Variants in FGF18 observed in about 807,000 individuals in gnomAD.
FGF18 encodes the protein fibroblast growth factor 18.
In FGF18, 5 loss-of-function variants were observed where a neutral mutation model predicts 23.0. That is an observed-to-expected ratio of 0.22 (90% CI 0.11 to 0.46). The LOEUF (loss-of-function observed/expected upper bound fraction) is 0.46. Among genes scored for constraint, FGF18 ranks in the 20% least tolerant of loss-of-function variants. FGF18 has a pLI of 0.99. For synonymous variants in FGF18, 117 were observed against 118.9 expected, an observed-to-expected ratio of 0.98 and a Z score of 0.10; for missense variants, 180 against 291.6, an observed-to-expected ratio of 0.62 and a Z score of 2.79.
intron 4 of FGF18, among the ~76,000 whole-genome samples, chr5:171,450,911 C>T (rs1772493135): frequency 6.6e-6 from 1 of 151,996 alleles, no homozygotes; most frequent in South Asian, 2.1e-4. Flanking sequence ...TTTTCTTTCT[C>T]CCCCAGCAGG....
chr5:171,428,615 G>GGACT (rs1772133013), intron 2 of FGF18, among the ~76,000 whole-genome samples: 1 of 152,240 alleles, frequency 6.6e-6, no homozygotes, highest in East Asian at 1.9e-4. Flanking sequence ...TCAGCCTGGT[G>GGACT]GACTCACAGA....
At chr5:171,420,528 T>C (rs1771988308) in intron 2 of FGF18, 85 bp downstream of exon 2, 2 of 1,318,222 alleles carry the variant, frequency 1.5e-6, no homozygotes. Flanking sequence ...GCCCCCTCCC[T>C]GTGCCCCACC....
At position 171,434,496 on chromosome 5, in the gene FGF18, TG is replaced by T. The variant is rs1772219631; in HGVS notation, c.70-1592del. Among the ~76,000 whole-genome samples, 1 of 152,058 alleles carries T rather than the reference TG, an allele frequency of 6.6e-6. No homozygotes were observed. The highest frequency in any genetic ancestry group is 6.6e-5 in the Admixed American group (1 of 15,266). On this transcript the variant is annotated intron_variant, in intron 2 of 4. Coordinates refer to ENST00000274625, the MANE Select transcript of FGF18 (RefSeq NM_003862.3). The surrounding 1 kb of genome is among the most constrained non-coding windows in gnomAD (Gnocchi z 4.6). Reference sequence around the variant, plus strand: ...CCCAAGAGCTCTGCCATGGGCTGAGTGGGGGCGTGCCAGCGTGGGAATGGGG... The same window carrying T: ...CCCAAGAGCTCTGCCATGGGCTGAGTGGGGCGTGCCAGCGTGGGAATGGGG...
At chr5:171,428,504 G>C (rs1438963080) in intron 2 of FGF18, among the ~76,000 whole-genome samples, 1 of 152,198 alleles carries the variant, frequency 6.6e-6, no homozygotes, top group African/African-American at 2.4e-5. Context: ...GAGCAAACCG[G>C]GTGAAGAGGA....
Position 171,419,977 on chromosome 5 carries a change from G to C in FGF18, c.-223G>C, listed in dbSNP as rs907965783. On this transcript the variant is annotated 5_prime_UTR_variant, in exon 1 of 5. Transcript: ENST00000274625. ...CGCCCCGCAGCCCCTGCGCCAGCCC[G>C]GAGGGCGCAGCGCTCGGGAGGAGCC... The C allele has an allele frequency of 5.5e-6, 1 of 181,190 alleles. No homozygotes were observed. Among genetic ancestry groups the C allele is most frequent in the Non-Finnish European group, 1.1e-5 (1 of 88,708 alleles). 11.2% of individuals were successfully genotyped at this position (181,190 alleles called of 1,614,324 possible). A position where few individuals can be genotyped will look rare whatever the true frequency, so the allele number is the denominator to read the frequency against.
chr5:171,445,694 C>T lies in FGF18; in HGVS notation c.251-3453C>T, dbSNP rs62383993. 6.2e-3 allele frequency among the ~76,000 whole-genome samples: 948 copies of T among 152,206 alleles called. 5 individuals carry two copies. The highest frequency in any genetic ancestry group is 9.0e-3 in the Non-Finnish European group (610 of 68,018). On this transcript the variant is annotated intron_variant, in intron 3 of 4. Transcript: ENST00000274625. ...TTATATTTTTAAAGGATTTCTCTGG[C>T]TGTGGTGTAGAGGAGAGATGGATGG...
intron 2 of FGF18, among the ~76,000 whole-genome samples, chr5:171,431,337 G>A (rs183585297): frequency 6.6e-6 from 1 of 152,314 alleles, no homozygotes; most frequent in Admixed American, 6.5e-5. Context: ...CTGGGTAATA[G>A]GGAGCCTGGG....
At chr5:171,449,731 G>C (rs972569049) in intron 4 of FGF18, among the ~76,000 whole-genome samples, 1 of 151,810 alleles carries the variant, frequency 6.6e-6, no homozygotes, top group East Asian at 1.9e-4. Flanking sequence ...TGGCCGCCTC[G>C]TCAGCGCTGG....
rs1452010995 is a variant in FGF18 at position 171,456,197 on chromosome 5, C to T, written c.358-342C>T. On this transcript the variant is annotated intron_variant, in intron 4 of 4. Coordinates refer to ENST00000274625, the MANE Select transcript of FGF18 (RefSeq NM_003862.3). The surrounding 1 kb of genome is among the most constrained non-coding windows in gnomAD (Gnocchi z 6.1). Reference sequence around the variant, plus strand: ...GTCAGTTTAGCAAGGATCCCCCACTCTTGATATATGATCAGGGTCCTCATC... The same window carrying T: ...GTCAGTTTAGCAAGGATCCCCCACTTTTGATATATGATCAGGGTCCTCATC... Among the ~76,000 whole-genome samples the T allele has an allele frequency of 6.6e-6, 1 of 152,216 alleles. No individual in the cohort carries two copies. Among genetic ancestry groups the T allele is most frequent in the Non-Finnish European group, 1.5e-5 (1 of 68,042 alleles).
At chr5:171,439,077 G>A (rs1327488643) in intron 3 of FGF18, among the ~76,000 whole-genome samples, 1 of 152,280 alleles carries the variant, frequency 6.6e-6, no homozygotes, top group East Asian at 1.9e-4. Flanking sequence ...GAATCCCCAC[G>A]GACACTCAGA....
In FGF18 at chr5:171,457,060, AG is replaced by A. The variant is rs1478518623; in HGVS notation, c.*257del. On this transcript the variant is annotated 3_prime_UTR_variant, in exon 5 of 5. Coordinates refer to ENST00000274625, the MANE Select transcript of FGF18 (RefSeq NM_003862.3). ...AACCCACAGGTGCTTGTCTCTCTCT[AG>A]GAACAGACAACTCTAAACTCGTCCC... The A allele has an allele frequency of 8.5e-6, 4 of 470,822 alleles. No individual in the cohort carries two copies. Among genetic ancestry groups the A allele is most frequent in the Admixed American group, 8.0e-5 (2 of 25,122 alleles). The allele number at this position is 470,822 out of a possible 1,614,324, so 29.2% of individuals were successfully genotyped here.
At chr5:171,454,891 C>G (rs1432576327) in intron 4 of FGF18, among the ~76,000 whole-genome samples, 1 of 152,230 alleles carries the variant, frequency 6.6e-6, no homozygotes, top group African/African-American at 2.4e-5. Context: ...TCGGCTGTCT[C>G]AGAGAGGAGA....
Position 171,436,104 on chromosome 5 carries a change from CGAG to C in FGF18, c.85_87del (p.Glu29del). ...TTTTCCCTGCCCAGGTGCTGGTTGC[CGAG>C]GAGAACGTGGACTTCCGCATCCACG... On this transcript the variant is annotated inframe_deletion, in exon 3 of 5. Coordinates refer to ENST00000274625, the MANE Select transcript of FGF18 (RefSeq NM_003862.3). This position sits in a 1 kb window ranked among gnomAD's most constrained non-coding sequence, Gnocchi z 4.4. 2 of 1,554,188 alleles carry C rather than the reference CGAG, an allele frequency of 1.3e-6. No homozygotes were observed. Among genetic ancestry groups the C allele is most frequent in the Admixed American group, 1.9e-5 (1 of 53,736 alleles).
intron 2 of FGF18, among the ~76,000 whole-genome samples, chr5:171,430,742 T>C (rs1034629465): frequency 2.2e-5 from 3 of 133,780 alleles, no homozygotes; most frequent in African/African-American, 3.2e-5. Flanking sequence ...GAGCCGAGAT[T>C]GCGCCACTGC....
At chr5:171,432,445 A>G (rs997978277) in intron 2 of FGF18, among the ~76,000 whole-genome samples, 8 of 152,030 alleles carry the variant, frequency 5.3e-5, no homozygotes, top group African/African-American at 1.2e-4. Context: ...TTCTCACTCT[A>G]TCACCCAGGC....
In FGF18 at chr5:171,434,809, CTTT is replaced by C. The variant is rs35377470; in HGVS notation, c.70-1270_70-1268del. Among the ~76,000 whole-genome samples, 9 of 141,692 alleles carry C rather than the reference CTTT, an allele frequency of 6.4e-5. No individual in the cohort carries two copies. The highest frequency in any genetic ancestry group is 2.1e-4 in the East Asian group (1 of 4,870). The allele number at this position is 141,692 out of a possible 152,430, so 93.0% of individuals were successfully genotyped here. ...GAGACACTGCTCCAGCTTTCTCTCC[CTTT>C]TTTTTTTTTTTTTGATGGTGCTGCC... On this transcript the variant is annotated intron_variant, in intron 2 of 4. Coordinates refer to ENST00000274625, the MANE Select transcript of FGF18 (RefSeq NM_003862.3). The surrounding 1 kb of genome is among the most constrained non-coding windows in gnomAD (Gnocchi z 4.6).
chr5:171,444,452 G>A (rs1289668701), intron 3 of FGF18, among the ~76,000 whole-genome samples: 1 of 152,228 alleles, frequency 6.6e-6, no homozygotes, highest in African/African-American at 2.4e-5. Flanking sequence ...ATGCATGTAA[G>A]GTAGTTAGGA....
intron 4 of FGF18, among the ~76,000 whole-genome samples, chr5:171,452,518 T>C (rs1772531570): frequency 3.3e-5 from 5 of 152,198 alleles, no homozygotes; most frequent in African/African-American, 1.2e-4. Context: ...CCCCTGCATG[T>C]TCAGGCGGCC....
intron 2 of FGF18, among the ~76,000 whole-genome samples, chr5:171,427,057 A>G (rs1043868236): frequency 1.2e-4 from 18 of 152,114 alleles, no homozygotes; most frequent in African/African-American, 4.3e-4. Context: ...AAAAATAGAA[A>G]AAATTAGCCG....
Sources: allele counts gnomAD v4.1 joint callset (sites outside exome capture counted in the v4.1 genomes callset), GRCh38; gene constraint gnomAD v4.1.1; non-coding constraint Gnocchi (gnomAD v3.1); transcripts MANE v1.5; gene names NCBI Gene and HGNC (gene_info 2026-07-23, HGNC 2026-07-21).